Variants in GPM6A observed in about 807,000 individuals in gnomAD.
GPM6A encodes the protein glycoprotein M6A.
A neutral mutation model predicts 32.1 loss-of-function variants in GPM6A; 7 were observed. The ratio of observed to expected loss-of-function variants is 0.22; its 90% CI spans 0.12 to 0.41. The LOEUF (loss-of-function observed/expected upper bound fraction) is 0.41. GPM6A is among the 10% of genes least tolerant of loss of function. GPM6A has a pLI of 1.00. For missense variants in GPM6A, 235 were observed against 347.2 expected (o/e 0.68, Z 2.57); for synonymous variants, 130 against 123.4 (o/e 1.05, Z -0.35).
At chr4:175,719,406 G>T (rs1009472158) in intron 1 of GPM6A, among the ~76,000 whole-genome samples, 1 of 152,026 alleles carries the variant, frequency 6.6e-6, no homozygotes. Flanking sequence ...CACCATGTTG[G>T]CCAGGATGGT....
intron 1 of GPM6A, among the ~76,000 whole-genome samples, chr4:175,873,791 A>T (rs1481282733): frequency 6.6e-6 from 1 of 152,204 alleles, no homozygotes; most frequent in East Asian, 1.9e-4. Flanking sequence ...AAACAAATCC[A>T]AATATTTGTA....
At chr4:175,942,092 T>G (rs1197705445) in intron 1 of GPM6A, among the ~76,000 whole-genome samples, 6 of 152,264 alleles carry the variant, frequency 3.9e-5, no homozygotes, top group African/African-American at 1.4e-4. Context: ...TGAGATGGTA[T>G]CTCATTGTGG....
chr4:175,665,688 C>T (rs773534338), intron 3 of GPM6A, among the ~76,000 whole-genome samples: 3 of 151,036 alleles, frequency 2.0e-5, no homozygotes, highest in Non-Finnish European at 2.9e-5. Flanking sequence ...AGGCTGAAGC[C>T]GGAGAATCGT....
chr4:175,997,712 G>A (rs1292047988), intron 1 of GPM6A, among the ~76,000 whole-genome samples: 1 of 152,108 alleles, frequency 6.6e-6, no homozygotes, highest in Non-Finnish European at 1.5e-5. Flanking sequence ...ACAATACTGT[G>A]TGTCATTATT....
chr4:175,959,824 A>G (rs891749198), intron 1 of GPM6A, among the ~76,000 whole-genome samples: 1 of 152,194 alleles, frequency 6.6e-6, no homozygotes, highest in Non-Finnish European at 1.5e-5. Flanking sequence ...GGTTATAAAT[A>G]GAGGAGGGCT....
intron 1 of GPM6A, among the ~76,000 whole-genome samples, chr4:175,755,610 T>C: frequency 6.6e-6 from 1 of 152,174 alleles, no homozygotes; most frequent in Non-Finnish European, 1.5e-5. Context: ...GTAAAGAAAG[T>C]ATAAATTTGC....
exon 1 of GPM6A, chr4:176,002,317 C>G: frequency 1.3e-6 from 2 of 1,594,848 alleles, no homozygotes; most frequent in Non-Finnish European, 1.7e-6. Flanking sequence ...ACCCATGGCC[C>G]GAGGTCCTGC....
intron 1 of GPM6A, among the ~76,000 whole-genome samples, chr4:175,761,410 C>T (rs569881049): frequency 3.9e-5 from 6 of 152,184 alleles, no homozygotes; most frequent in African/African-American, 1.4e-4. Flanking sequence ...AAATTCTAAT[C>T]GCTACACTGC....
chr4:175,822,056 T>C (rs539662719), intron 1 of GPM6A, among the ~76,000 whole-genome samples: 2 of 152,292 alleles, frequency 1.3e-5, no homozygotes, highest in Non-Finnish European at 2.9e-5. Context: ...ATTTTTTATC[T>C]GTTTAAATAA....
intron 1 of GPM6A, among the ~76,000 whole-genome samples, chr4:175,803,721 T>G (rs1405045245): frequency 6.6e-6 from 1 of 152,136 alleles, no homozygotes; most frequent in African/African-American, 2.4e-5. Context: ...AGCCAGGGCT[T>G]TAACACAGGT....
intron 1 of GPM6A, among the ~76,000 whole-genome samples, chr4:175,964,803 C>T (rs1389951232): frequency 6.6e-6 from 1 of 152,148 alleles, no homozygotes; most frequent in Non-Finnish European, 1.5e-5. Flanking sequence ...ACAGTACAGA[C>T]ATCAGAGCAA....
chr4:175,958,739 G>A (rs1740070086), intron 1 of GPM6A, among the ~76,000 whole-genome samples: 1 of 152,114 alleles, frequency 6.6e-6, no homozygotes, highest in Non-Finnish European at 1.5e-5. Flanking sequence ...TATCTACATT[G>A]CCACAGCACT....
At chr4:175,729,793 CTATTATAT>C (rs1274427560) in intron 1 of GPM6A, among the ~76,000 whole-genome samples, 1 of 141,990 alleles carries the variant, frequency 7.0e-6, no homozygotes, top group Non-Finnish European at 1.5e-5. Flanking sequence ...AATATATTAT[CTATTATAT>C]TATATTATAT....
chr4:175,790,223 C>A (rs1281269007), intron 1 of GPM6A: 1 of 152,118 alleles, frequency 6.6e-6, no homozygotes, highest in African/African-American at 2.4e-5. Context: ...TTCTGAGAAG[C>A]CCAGGTTCCC....
At chr4:175,790,654 T>C (rs1733976487) in intron 1 of GPM6A, among the ~76,000 whole-genome samples, 1 of 152,232 alleles carries the variant, frequency 6.6e-6, no homozygotes, top group Admixed American at 6.5e-5. Context: ...AACACGATTT[T>C]AATTTTATAT....
intron 1 of GPM6A, chr4:175,800,809 A>G (rs1734443351): frequency 5.1e-6 from 1 of 197,412 alleles, no homozygotes; most frequent in Non-Finnish European, 1.2e-5. Context: ...TAGAGGATCT[A>G]AAAGAGAACC....
chr4:175,769,201 T>G (rs1733092844), intron 1 of GPM6A, among the ~76,000 whole-genome samples: 1 of 152,214 alleles, frequency 6.6e-6, no homozygotes, highest in Admixed American at 6.5e-5. Flanking sequence ...TAACCATGGT[T>G]GCATATTAGT....
chr4:175,888,005 T>C (rs956278241), intron 1 of GPM6A, among the ~76,000 whole-genome samples: 5 of 151,896 alleles, frequency 3.3e-5, no homozygotes, highest in Non-Finnish European at 7.4e-5. Context: ...TAAATCTTAA[T>C]ACCAAAGACA....
intron 1 of GPM6A, among the ~76,000 whole-genome samples, chr4:175,850,823 C>T (rs979523836): frequency 2.7e-5 from 4 of 149,676 alleles, no homozygotes; most frequent in South Asian, 2.1e-4. Flanking sequence ...TTACATTTTT[C>T]GTATGTATTA....
Sources: gnomAD v4.1 joint callset for allele counts (sites outside exome capture counted in the v4.1 genomes callset) on GRCh38, gnomAD v4.1.1 for gene constraint, MANE v1.5 for transcripts, NCBI Gene and HGNC (gene_info 2026-07-23, HGNC 2026-07-21) for gene names.